Variants in PPP6R2 observed in about 807,000 individuals in gnomAD.
The protein encoded by PPP6R2 is serine/threonine-protein phosphatase 6 regulatory subunit 2.
PPP6R2 carries 62 observed loss-of-function variants against 100.2 expected under a neutral mutation model. The observed-to-expected ratio is 0.62, with a 90% CI of 0.50 to 0.76. The LOEUF is 0.76. Ranked by LOEUF, PPP6R2 falls within the 30% of genes least tolerant of loss-of-function variation. PPP6R2 has a pLI of 0.00. For synonymous variants in PPP6R2, 525 were observed against 514.7 expected (o/e 1.02, Z -0.27); for missense variants, 1,142 against 1,276.3 (o/e 0.89, Z 1.60).
At position 50,436,457 on chromosome 22, in the gene PPP6R2, G is replaced by A; in HGVS notation, c.1602+5G>A. The A allele has an allele frequency of 6.3e-7, 1 of 1,581,150 alleles. No homozygotes were observed. Among genetic ancestry groups the A allele is most frequent in the Non-Finnish European group, 8.6e-7 (1 of 1,164,522 alleles). On this transcript the variant is annotated splice_donor_5th_base_variant and intron_variant, in intron 14 of 23. Coordinates refer to ENST00000612753, the MANE Select transcript of PPP6R2 (RefSeq NM_001242898.2). ...CGCAGGAACACTGTGGACCTGGTGAGGAGGCTCGGGGCTGCCCCCTCGGTG... is the reference window on the plus strand; with the variant it reads ...CGCAGGAACACTGTGGACCTGGTGAAGAGGCTCGGGGCTGCCCCCTCGGTG...
chr22:50,403,347 G>C (rs145267192), intron 3 of PPP6R2, among the ~76,000 whole-genome samples: 3 of 152,072 alleles, frequency 2.0e-5, no homozygotes, highest in East Asian at 1.9e-4. Flanking sequence ...CCAGCTCACC[G>C]GTCTTAGTGT....
intron 3 of PPP6R2, 90 bp from the exon 4 acceptor site, chr22:50,406,599 C>T: frequency 8.0e-7 from 1 of 1,251,424 alleles, no homozygotes; most frequent in Non-Finnish European, 1.1e-6. Context: ...TCACGTGGGT[C>T]TGCTTCCTAA....
At chr22:50,412,498 T>A (rs1180766835) in intron 4 of PPP6R2, among the ~76,000 whole-genome samples, 1 of 152,126 alleles carries the variant, frequency 6.6e-6, no homozygotes, top group Non-Finnish European at 1.5e-5. Flanking sequence ...TTATTTTTTC[T>A]TAAATGTTTG....
chr22:50,377,095 G>T (rs1345996179), intron 2 of PPP6R2, among the ~76,000 whole-genome samples: 1 of 151,824 alleles, frequency 6.6e-6, no homozygotes, highest in Middle Eastern at 3.2e-3. Flanking sequence ...ACAGTAAAAG[G>T]TGATATAGAA....
intron 2 of PPP6R2, among the ~76,000 whole-genome samples, chr22:50,376,930 G>A (rs2051718235): frequency 6.6e-6 from 1 of 152,122 alleles, no homozygotes; most frequent in African/African-American, 2.4e-5. Context: ...GGGAGGCTGA[G>A]ACAGGAGAAT....
chr22:50,396,092 A>G (rs1282284365), intron 3 of PPP6R2, among the ~76,000 whole-genome samples: 2 of 147,762 alleles, frequency 1.4e-5, no homozygotes, highest in Admixed American at 1.4e-4. Context: ...CTACTCCGGG[A>G]GGCTGAAGCA....
chr22:50,381,340 A>AGCATGAG (rs1471111350), intron 2 of PPP6R2, among the ~76,000 whole-genome samples: 3 of 79,164 alleles, frequency 3.8e-5, no homozygotes, highest in Non-Finnish European at 7.2e-5. Context: ...GCCTCACCTC[A>AGCATGAG]GCATCACACG....
At chr22:50,417,309 A>T (rs1188447347) in intron 6 of PPP6R2, among the ~76,000 whole-genome samples, 6 of 152,010 alleles carry the variant, frequency 3.9e-5, no homozygotes, top group Non-Finnish European at 7.4e-5. Context: ...CTCTTAATGT[A>T]TTTGGCTCTT....
chr22:50,340,713 C>G (rs1292231832), upstream of PPP6R2, among the ~76,000 whole-genome samples: 2 of 151,660 alleles, frequency 1.3e-5, no homozygotes, highest in Non-Finnish European at 2.9e-5. Context: ...ACAGCAATGA[C>G]CAAGGAAGGC....
At chr22:50,351,729 G>T (rs976481577) in intron 1 of PPP6R2, among the ~76,000 whole-genome samples, 2 of 152,070 alleles carry the variant, frequency 1.3e-5, no homozygotes, top group Non-Finnish European at 2.9e-5. Context: ...TGGTTCCCGT[G>T]TTCAAGTGAT....
intron 10 of PPP6R2, among the ~76,000 whole-genome samples, chr22:50,426,142 G>T (rs144991265): frequency 1.3e-5 from 2 of 152,012 alleles, no homozygotes; most frequent in African/African-American, 4.8e-5. Flanking sequence ...TTGTAGAGAT[G>T]GGGTCTCGCT....
chr22:50,406,924 T>G, intron 4 of PPP6R2, 49 bp downstream of exon 4: 2 of 1,549,434 alleles, frequency 1.3e-6, no homozygotes, highest in Non-Finnish European at 1.8e-6. Context: ...TCATGGTGGA[T>G]GCTGACGTGT....
upstream of PPP6R2, among the ~76,000 whole-genome samples, chr22:50,338,744 A>G (rs1193619300): frequency 1.5e-4 from 11 of 73,606 alleles, no homozygotes; most frequent in East Asian, 4.8e-4. Context: ...TGTGTGTGTT[A>G]TGTGGTATGT....
chr22:50,347,413 C>T (rs1301092548), intron 1 of PPP6R2, among the ~76,000 whole-genome samples: 2 of 152,074 alleles, frequency 1.3e-5, no homozygotes, highest in Admixed American at 1.3e-4. Flanking sequence ...GTCGCGCTCC[C>T]CATCACGGCT....
chr22:50,413,106 C>CTTGGCTGT (rs2060005060), intron 4 of PPP6R2, among the ~76,000 whole-genome samples: 1 of 151,856 alleles, frequency 6.6e-6, no homozygotes, highest in African/African-American at 2.4e-5. Context: ...TACAGGCATG[C>CTTGGCTGT]ACCACCACGC....
chr22:50,433,092 T>C (rs1190618424), intron 12 of PPP6R2, among the ~76,000 whole-genome samples: 1 of 152,282 alleles, frequency 6.6e-6, no homozygotes, highest in Non-Finnish European at 1.5e-5. Flanking sequence ...AGTGGCACTT[T>C]TGGTAGTGAG....
intron 22 of PPP6R2, chr22:50,443,612 G>A (rs2066363485): frequency 1.8e-6 from 1 of 560,920 alleles, no homozygotes. Context: ...TGATGAGCAG[G>A]ATCTGAGTGC....
intron 10 of PPP6R2, among the ~76,000 whole-genome samples, chr22:50,424,520 T>G (rs551177862): frequency 6.6e-6 from 1 of 150,540 alleles, no homozygotes. Flanking sequence ...TCTGTCCGCG[T>G]GTGGAACGTC....
rs1435004425 is a variant in PPP6R2 at position 50,394,122 on chromosome 22, A to G, written c.214A>G (p.Lys72Glu). 3 of 1,613,898 alleles carry G rather than the reference A, an allele frequency of 1.9e-6. No individual in the cohort carries two copies. The highest frequency in any genetic ancestry group is 2.5e-6 in the Non-Finnish European group (3 of 1,179,976). ...GGATCCGCCCCTGGACATGGAGGAG[A>G]AGGTCCGCTTCAAGTATGTACCAAA... is the stretch of plus-strand genomic sequence containing the variant. ...TQDPPLDMEE[K>E]VRFKYPNTAC... The change falls in exon 3 of 24, where the codon AAG becomes GAG. Residue 72 changes from lysine (K) to glutamate (E), a missense_variant. Physicochemically the swap from Lys to Glu is moderately conservative, Grantham distance 56. Transcript: ENST00000612753.
Sources: gnomAD v4.1 joint callset for allele counts (sites outside exome capture counted in the v4.1 genomes callset) on GRCh38, gnomAD v4.1.1 for gene constraint, MANE v1.5 for transcripts, NCBI Gene and HGNC (gene_info 2026-07-23, HGNC 2026-07-21) for gene names.